The following BMP7 variants were observed in gnomAD, a reference collection of about 807,000 sequenced individuals.
BMP7 encodes the protein bone morphogenetic protein 7, also known as osteogenic protein 1.
A neutral mutation model predicts 41.2 loss-of-function variants in BMP7; 12 were observed. The observed-to-expected ratio is 0.29, with a 90% confidence interval of 0.19 to 0.47. The LOEUF (loss-of-function observed/expected upper bound fraction) is 0.47, where lower values mean the gene tolerates loss of function less well. Ranked by LOEUF, BMP7 falls within the 20% of genes least tolerant of loss-of-function variation. The pLI, the probability that BMP7 is intolerant of heterozygous loss-of-function variation, is 0.99. For synonymous variants in BMP7, 248 were observed against 250.0 expected (o/e 0.99, Z 0.07); for missense variants, 467 against 606.0 (o/e 0.77, Z 2.41).
At chr20:57,173,445 G>T in intron 5 of BMP7, 135 bp from the exon 6 acceptor site, 1 of 844,990 alleles carries the variant, frequency 1.2e-6, no homozygotes, top group South Asian at 1.4e-5. Context: ...CTTCTGAGCA[G>T]CAGGGGGCCC....
At chr20:57,185,750 G>A (rs1339560858) in intron 3 of BMP7, among the ~76,000 whole-genome samples, 2 of 152,144 alleles carry the variant, frequency 1.3e-5, no homozygotes, top group East Asian at 3.9e-4. Context: ...GCACAGCTGG[G>A]GCTCAGGACA....
At chr20:57,218,915 TA>T (rs1985110991) in intron 2 of BMP7, among the ~76,000 whole-genome samples, 1 of 144,220 alleles carries the variant, frequency 6.9e-6, no homozygotes, top group African/African-American at 2.6e-5. Context: ...TGGTGGTAGC[TA>T]GTGTTTGTTC....
chr20:57,211,266 C>G (rs1031741666), intron 2 of BMP7, among the ~76,000 whole-genome samples: 11 of 152,184 alleles, frequency 7.2e-5, no homozygotes, highest in Non-Finnish European at 4.4e-5. Flanking sequence ...GGGGATTGTA[C>G]AAAAACTGAG....
Position 57,228,152 on chromosome 20 carries a change from C to G in BMP7, c.611+77G>C, listed in dbSNP as rs545159018. 9.8e-6 allele frequency: 15 copies of G among 1,524,610 alleles called. No individual in the cohort carries two copies. The highest frequency in any genetic ancestry group is 1.3e-5 in the Non-Finnish European group (14 of 1,101,392). The allele number at this position is 1,524,610 out of a possible 1,614,324, so 94.4% of individuals were successfully genotyped here. A position where few individuals can be genotyped will look rare whatever the true frequency, so the allele number is the denominator to read the frequency against. ...CGTGGTTGTGCCAATCTGACCCATC[C>G]TCTGGCCCTCACCACCTTCTTCCTC... On this transcript the variant is annotated intron_variant, in intron 2 of 6. Coordinates refer to ENST00000395863, the MANE Select transcript of BMP7 (RefSeq NM_001719.3). This position sits in a 1 kb window ranked among gnomAD's most constrained non-coding sequence, Gnocchi z 4.5.
In BMP7 at chr20:57,213,735, G is replaced by C. The variant is rs147499967; in HGVS notation, c.612-11112C>G. ...AGAGTGGTCCTCGGGTCCCACAGTGGGTGCTCAGGGATGTAGGCTGTAGGG... is the reference window on the plus strand; with the variant it reads ...AGAGTGGTCCTCGGGTCCCACAGTGCGTGCTCAGGGATGTAGGCTGTAGGG... On this transcript the variant is annotated intron_variant, in intron 2 of 6. Transcript: ENST00000395863. This position sits in a 1 kb window ranked among gnomAD's most constrained non-coding sequence, Gnocchi z 4.4. 6.6e-6 allele frequency among the ~76,000 whole-genome samples: 1 copy of C among 152,196 alleles called. No individual in the cohort carries two copies. Among genetic ancestry groups the C allele is most frequent in the African/African-American group, 2.4e-5 (1 of 41,458 alleles).
chr20:57,216,044 G>C (rs1985008975), intron 2 of BMP7, among the ~76,000 whole-genome samples: 1 of 152,096 alleles, frequency 6.6e-6, no homozygotes, highest in Non-Finnish European at 1.5e-5. Context: ...CCAAATTCAA[G>C]ATTCTCAAAA....
chr20:57,233,809 G>A (rs1279987631), intron 1 of BMP7, among the ~76,000 whole-genome samples: 5 of 152,224 alleles, frequency 3.3e-5, no homozygotes, highest in African/African-American at 1.2e-4. Context: ...AACAGAACCT[G>A]CAGTATTCAG....
chr20:57,172,204 G>A (rs1983829285), intron 6 of BMP7, among the ~76,000 whole-genome samples: 1 of 152,182 alleles, frequency 6.6e-6, no homozygotes, highest in Non-Finnish European at 1.5e-5. Flanking sequence ...GCACAGCACA[G>A]CACATCCAGG....
chr20:57,192,180 A>C (rs1984378719), intron 3 of BMP7, among the ~76,000 whole-genome samples: 1 of 127,190 alleles, frequency 7.9e-6, no homozygotes, highest in Non-Finnish European at 1.6e-5. Context: ...AATATATACT[A>C]TATATTATAT....
At chr20:57,250,928 A>G (rs1376765871) in intron 1 of BMP7, among the ~76,000 whole-genome samples, 1 of 152,236 alleles carries the variant, frequency 6.6e-6, no homozygotes, top group Non-Finnish European at 1.5e-5. Context: ...CTGAGGTATC[A>G]TCGCAAAGAG....
chr20:57,180,341 C>T (rs1234519904), intron 4 of BMP7, among the ~76,000 whole-genome samples: 2 of 145,966 alleles, frequency 1.4e-5, no homozygotes, highest in African/African-American at 5.1e-5. Context: ...TCCCCAAAGG[C>T]GCCAGGAAAC....
At chr20:57,222,829 A>G (rs230220) in intron 2 of BMP7, among the ~76,000 whole-genome samples, 85,337 of 141,052 alleles carry the variant, frequency 0.61, 24,553 homozygotes, top group African/African-American at 0.66. Flanking sequence ...GCAGCAAGAA[A>G]CTCCAGAGGC....
chr20:57,249,182 GTA>G (rs1279313547), intron 1 of BMP7, among the ~76,000 whole-genome samples: 1 of 152,054 alleles, frequency 6.6e-6, no homozygotes, highest in Non-Finnish European at 1.5e-5. Context: ...ATCTCTTATA[GTA>G]TCTGCTGTCC....
intron 1 of BMP7, among the ~76,000 whole-genome samples, chr20:57,230,345 C>T (rs977964446): frequency 1.3e-4 from 20 of 152,216 alleles, no homozygotes; most frequent in African/African-American, 4.1e-4. Flanking sequence ...AAGTGAGCCT[C>T]GGGAGGTGAC....
intron 2 of BMP7, among the ~76,000 whole-genome samples, chr20:57,210,671 G>A (rs1221976541): frequency 6.6e-6 from 1 of 152,174 alleles, no homozygotes; most frequent in Non-Finnish European, 1.5e-5. Context: ...GCACGCGTTG[G>A]AGCCACAGGA....
In BMP7 at chr20:57,214,285, A is replaced by G. The variant is rs1202617448; in HGVS notation, c.612-11662T>C. On this transcript the variant is annotated intron_variant, in intron 2 of 6. Transcript: ENST00000395863. The surrounding 1 kb of genome is among the most constrained non-coding windows in gnomAD (Gnocchi z 4.0). Reference sequence around the variant, plus strand: ...CAGAGAACCCGGGGGTTCCCCTTCCACTCTTCTCACCCCGCACTCCCCCTG... The same window carrying G: ...CAGAGAACCCGGGGGTTCCCCTTCCGCTCTTCTCACCCCGCACTCCCCCTG... Among the ~76,000 whole-genome samples the G allele has an allele frequency of 6.6e-6, 1 of 151,050 alleles. No homozygotes were observed. Among genetic ancestry groups the G allele is most frequent in the Non-Finnish European group, 1.5e-5 (1 of 67,736 alleles).
chr20:57,172,997 C>T lies in BMP7; in HGVS notation c.1146+203G>A, dbSNP rs946975630. On this transcript the variant is annotated intron_variant, in intron 6 of 6. Transcript: ENST00000395863. ...AGGAGAAATAAATGAACTCCAGGGTCGAAGATTATACTCCTCTTTATACCA... is the reference window on the plus strand; with the variant it reads ...AGGAGAAATAAATGAACTCCAGGGTTGAAGATTATACTCCTCTTTATACCA... The T allele has an allele frequency of 1.9e-5, 12 of 637,782 alleles. No homozygotes were observed. The African/African-American group carries it at 2.0e-4, about 11-fold the overall frequency. The allele number at this position is 637,782 out of a possible 1,614,324, so 39.5% of individuals were successfully genotyped here.
intron 6 of BMP7, 175 bp downstream of exon 6, chr20:57,173,025 C>T: frequency 1.4e-6 from 1 of 700,370 alleles, no homozygotes; most frequent in South Asian, 1.6e-5. Flanking sequence ...TTATACCAAA[C>T]CAGTCATAAA....
intron 3 of BMP7, among the ~76,000 whole-genome samples, chr20:57,185,958 A>G (rs563556603): frequency 2.0e-5 from 3 of 151,858 alleles, no homozygotes; most frequent in African/African-American, 7.3e-5. Context: ...GCATACCCTA[A>G]GTGCTCAATA....
Sources: allele counts gnomAD v4.1 joint callset (sites outside exome capture counted in the v4.1 genomes callset), GRCh38; gene constraint gnomAD v4.1.1; non-coding constraint Gnocchi (gnomAD v3.1); transcripts MANE v1.5; gene names NCBI Gene and HGNC (gene_info 2026-07-23, HGNC 2026-07-21).